Variants in DSG2 observed in about 807,000 individuals in gnomAD.
DSG2 encodes the protein desmoglein-2.
DSG2 carries 45 observed loss-of-function variants against 75.6 expected under a neutral mutation model. That is an observed-to-expected ratio of 0.60 (90% CI 0.47 to 0.76). The LOEUF is 0.76. Among genes scored for constraint, DSG2 ranks in the 30% least tolerant of loss-of-function variants. The pLI, the probability that DSG2 is intolerant of heterozygous loss-of-function variation, is 0.00. For synonymous variants in DSG2, 429 were observed against 483.9 expected, an observed-to-expected ratio of 0.89 and a Z score of 1.49; for missense variants, 1,267 against 1,357.4, an observed-to-expected ratio of 0.93 and a Z score of 1.05.
intron 5 of DSG2, 24 bp downstream of exon 5, chr18:31,521,267 TAA>T: frequency 1.3e-6 from 2 of 1,534,818 alleles, no homozygotes; most frequent in African/African-American, 1.4e-5. Flanking sequence ...TTTTTTTTTT[TAA>T]TAAATAAATA....
intron 1 of DSG2, among the ~76,000 whole-genome samples, chr18:31,515,595 C>T (rs1290131735): frequency 6.6e-6 from 1 of 152,148 alleles, no homozygotes; most frequent in East Asian, 1.9e-4. Context: ...TGGGGAGCAC[C>T]ACTTTGGTTA....
At chr18:31,541,443 T>A in intron 13 of DSG2, 129 bp downstream of exon 13, 1 of 1,225,084 alleles carries the variant, frequency 8.2e-7, no homozygotes, top group Non-Finnish European at 1.2e-6. Context: ...GTGCCTTTGT[T>A]AAGCAAAGAG....
chr18:31,511,668 A>G (rs773534657), intron 1 of DSG2, among the ~76,000 whole-genome samples: 5 of 152,382 alleles, frequency 3.3e-5, no homozygotes, highest in Admixed American at 6.5e-5. Flanking sequence ...AAATGCAGAT[A>G]GCAGAACCCT....
chr18:31,505,119 G>A (rs2073032426), intron 1 of DSG2, among the ~76,000 whole-genome samples: 1 of 152,192 alleles, frequency 6.6e-6, no homozygotes, highest in African/African-American at 2.4e-5. Context: ...TATAAGATCA[G>A]TGAAGAGCCT....
intron 1 of DSG2, among the ~76,000 whole-genome samples, chr18:31,506,776 C>T (rs2073041010): frequency 6.6e-6 from 1 of 152,134 alleles, no homozygotes; most frequent in African/African-American, 2.4e-5. Context: ...TTACAGAAAA[C>T]ACCTACCAAT....
At chr18:31,508,953 C>T (rs1243736929) in intron 1 of DSG2, among the ~76,000 whole-genome samples, 1 of 152,086 alleles carries the variant, frequency 6.6e-6, no homozygotes, top group Non-Finnish European at 1.5e-5. Flanking sequence ...CACTCTAAGG[C>T]GGGACTCAGT....
intron 8 of DSG2, among the ~76,000 whole-genome samples, chr18:31,526,444 A>G (rs1568107418): frequency 6.6e-6 from 1 of 152,204 alleles, no homozygotes; most frequent in Non-Finnish European, 1.5e-5. Context: ...CAGCTACTAT[A>G]TGCATTTAAG....
Position 31,547,365 on chromosome 18 carries a change from A to G in DSG2, c.*622A>G. ...ACAGTGTGTGTGTGTGCACGTACATACTGTATAGTCTTAAAAATAGCATTA... is the reference window on the plus strand; with the variant it reads ...ACAGTGTGTGTGTGTGCACGTACATGCTGTATAGTCTTAAAAATAGCATTA... On this transcript the variant is annotated 3_prime_UTR_variant, in exon 15 of 15. Transcript: ENST00000261590. 6.0e-6 allele frequency: 1 copy of G among 167,080 alleles called. No individual in the cohort carries two copies. Among genetic ancestry groups the G allele is most frequent in the East Asian group, 1.6e-4 (1 of 6,394 alleles). 10.3% of individuals were successfully genotyped at this position (167,080 alleles called of 1,614,324 possible).
chr18:31,535,774 A>C (rs1370712082), intron 10 of DSG2, among the ~76,000 whole-genome samples: 1 of 152,118 alleles, frequency 6.6e-6, no homozygotes, highest in Admixed American at 6.5e-5. Context: ...ACTCAAAAAA[A>C]AAAAAACAAA....
At chr18:31,515,697 C>T (rs965505687) in intron 1 of DSG2, among the ~76,000 whole-genome samples, 6 of 152,122 alleles carry the variant, frequency 3.9e-5, no homozygotes, top group Non-Finnish European at 8.8e-5. Context: ...GAGAATTAGC[C>T]ATGATTGTTC....
intron 11 of DSG2, among the ~76,000 whole-genome samples, chr18:31,536,908 A>G (rs2144342767): frequency 6.6e-6 from 1 of 152,346 alleles, no homozygotes; most frequent in Middle Eastern, 3.4e-3. Flanking sequence ...GTAAAGCTCA[A>G]ACCTAGAACA....
Position 31,546,244 on chromosome 18 carries a change from T to G in DSG2, c.2858T>G (p.Leu953Arg). Reference protein sequence around the residue: ...GSTMPPTTVILGPSQPQSLIV... With the variant: ...GSTMPPTTVIRGPSQPQSLIV... Reference sequence around the variant, plus strand: ...ACTATGCCACCAACCACTGTGATCCTGGGTCCTAGCCAGCCACAGAGCCTT... The same window carrying G: ...ACTATGCCACCAACCACTGTGATCCGGGGTCCTAGCCAGCCACAGAGCCTT... Residue 953 changes from leucine (L) to arginine (R), a missense_variant, in exon 15 of 15, where the codon CTG becomes CGG. Leu to Arg is a moderately radical substitution (Grantham distance 102). Coordinates refer to ENST00000261590, the MANE Select transcript of DSG2 (RefSeq NM_001943.5). 6.2e-7 allele frequency: 1 copy of G among 1,608,284 alleles called. No individual in the cohort carries two copies. The highest frequency in any genetic ancestry group is 2.2e-5 in the East Asian group (1 of 44,828).
chr18:31,545,407 TCA>T, intron 14 of DSG2, among the ~76,000 whole-genome samples: 1 of 152,214 alleles, frequency 6.6e-6, no homozygotes, highest in East Asian at 1.9e-4. Context: ...TAGCCAACTA[TCA>T]CACTATCTTT....
intron 4 of DSG2, 52 bp downstream of exon 4, chr18:31,521,016 A>C (rs1376177296): frequency 6.2e-7 from 1 of 1,608,536 alleles, no homozygotes; most frequent in South Asian, 1.1e-5. Context: ...TGTCATAATA[A>C]GTGTCATTTG....
chr18:31,542,411 G>A, intron 13 of DSG2, 109 bp from the exon 14 acceptor site: 1 of 1,164,066 alleles, frequency 8.6e-7, no homozygotes, highest in South Asian at 1.2e-5. Flanking sequence ...TGGCCTCAGT[G>A]GAAATAGCTT....
chr18:31,528,630 A>G (rs551277724), intron 8 of DSG2, among the ~76,000 whole-genome samples: 1 of 151,770 alleles, frequency 6.6e-6, no homozygotes, highest in East Asian at 1.9e-4. Flanking sequence ...GAATTGCCTG[A>G]ACCCGGGAGG....
intron 9 of DSG2, among the ~76,000 whole-genome samples, chr18:31,531,910 C>G (rs949582819): frequency 1.3e-5 from 2 of 152,196 alleles, no homozygotes; most frequent in Admixed American, 6.5e-5. Context: ...CATCTTAGAT[C>G]TCAGTGCCGT....
At chr18:31,533,512 A>C (rs146287388) in intron 9 of DSG2, among the ~76,000 whole-genome samples, 3 of 152,308 alleles carry the variant, frequency 2.0e-5, no homozygotes, top group East Asian at 3.9e-4. Flanking sequence ...CAGATATTTG[A>C]TATAACATGT....
At chr18:31,522,023 T>C (rs2073130809) in intron 5 of DSG2, 60 bp from the exon 6 acceptor site, 1 of 1,497,812 alleles carries the variant, frequency 6.7e-7, no homozygotes, top group Admixed American at 1.8e-5. Context: ...ATAAATAAAA[T>C]AACAGGTAAA....
Sources: allele counts gnomAD v4.1 joint callset (sites outside exome capture counted in the v4.1 genomes callset), GRCh38; gene constraint gnomAD v4.1.1; transcripts MANE v1.5; gene names NCBI Gene and HGNC (gene_info 2026-07-23, HGNC 2026-07-21).